Variants in CPNE4 observed in about 807,000 individuals in gnomAD.
CPNE4 encodes copine 4, also known as copine-4.
In CPNE4, 25 loss-of-function variants were observed where a neutral mutation model predicts 67.9. The ratio of observed to expected loss-of-function variants is 0.37; its 90% CI spans 0.27 to 0.51. The LOEUF is 0.51. CPNE4 is among the 20% of genes least tolerant of loss of function. The pLI is 0.93. For synonymous variants in CPNE4, 242 were observed against 244.9 expected, an observed-to-expected ratio of 0.99 and a Z score of 0.11; for missense variants, 464 against 690.8, an observed-to-expected ratio of 0.67 and a Z score of 3.68.
At chr3:132,010,008 C>G (rs985821506) in intron 1 of CPNE4, among the ~76,000 whole-genome samples, 7 of 152,238 alleles carry the variant, frequency 4.6e-5, no homozygotes, top group Admixed American at 6.5e-5. Flanking sequence ...GAAGTGCCCT[C>G]TTTGCCTGCA....
chr3:131,668,989 G>C (rs763794759), intron 7 of CPNE4, among the ~76,000 whole-genome samples: 1 of 152,098 alleles, frequency 6.6e-6, no homozygotes, highest in Non-Finnish European at 1.5e-5. Flanking sequence ...CTTTGACCTA[G>C]ACTGTGGAGG....
intron 2 of CPNE4, among the ~76,000 whole-genome samples, chr3:131,763,871 T>C (rs749205955): frequency 6.6e-5 from 10 of 152,130 alleles, no homozygotes; most frequent in Non-Finnish European, 1.2e-4. Context: ...AACAGAAATA[T>C]CCAATAATAT....
chr3:131,658,688 T>C (rs1173962478), intron 7 of CPNE4, among the ~76,000 whole-genome samples: 1 of 152,182 alleles, frequency 6.6e-6, no homozygotes, highest in East Asian at 1.9e-4. Context: ...CTCCAGCTCC[T>C]GAGAAGGAGG....
At chr3:132,019,939 A>G (rs2073958352) in intron 1 of CPNE4, among the ~76,000 whole-genome samples, 1 of 152,098 alleles carries the variant, frequency 6.6e-6, no homozygotes, top group Non-Finnish European at 1.5e-5. Context: ...AGGCCATTTA[A>G]ACTTGTGACG....
intron 4 of CPNE4, among the ~76,000 whole-genome samples, chr3:131,699,414 A>G (rs940459299): frequency 2.0e-5 from 3 of 152,224 alleles, no homozygotes; most frequent in Admixed American, 6.5e-5. Flanking sequence ...CACACAGTAA[A>G]CCTCCAAACT....
chr3:132,029,408 C>A (rs1251837605), intron 1 of CPNE4, among the ~76,000 whole-genome samples: 1 of 152,158 alleles, frequency 6.6e-6, no homozygotes, highest in African/African-American at 2.4e-5. Context: ...GGGTCAAACT[C>A]CATTCCTTAT....
intron 2 of CPNE4, among the ~76,000 whole-genome samples, chr3:131,809,013 A>G (rs2084427110): frequency 6.6e-6 from 1 of 152,146 alleles, no homozygotes; most frequent in African/African-American, 2.4e-5. Context: ...GAGAGTGTAG[A>G]CATATATGCT....
At chr3:131,813,542 T>C (rs1314865695) in intron 2 of CPNE4, among the ~76,000 whole-genome samples, 1 of 151,284 alleles carries the variant, frequency 6.6e-6, no homozygotes, top group African/African-American at 2.4e-5. Flanking sequence ...TACACACATA[T>C]GCATACATAC....
chr3:131,969,769 A>G (rs1053408356), intron 1 of CPNE4, among the ~76,000 whole-genome samples: 1 of 152,222 alleles, frequency 6.6e-6, no homozygotes, highest in African/African-American at 2.4e-5. Context: ...TGACATGTAT[A>G]TGCTTGGTGA....
intron 7 of CPNE4, among the ~76,000 whole-genome samples, chr3:131,617,425 G>C (rs1314956382): frequency 2.0e-5 from 3 of 152,186 alleles, no homozygotes. Context: ...AACCCAGGCA[G>C]ATGGGTAGAG....
chr3:131,853,104 A>G (rs1262425769), intron 2 of CPNE4, among the ~76,000 whole-genome samples: 2 of 151,948 alleles, frequency 1.3e-5, no homozygotes, highest in Admixed American at 1.3e-4. Context: ...AAGTCATGTG[A>G]TCTGTAAGAG....
chr3:131,721,326 T>C (rs1257288060), intron 3 of CPNE4, among the ~76,000 whole-genome samples: 4 of 146,286 alleles, frequency 2.7e-5, no homozygotes. Flanking sequence ...ACAGATAAAA[T>C]TATCAAAGCT....
At chr3:131,871,520 A>G (rs1187655427) in intron 2 of CPNE4, among the ~76,000 whole-genome samples, 3 of 152,160 alleles carry the variant, frequency 2.0e-5, no homozygotes, top group Admixed American at 2.0e-4. Flanking sequence ...CCCTGGAAGC[A>G]TGCGCTATCC....
chr3:131,836,593 G>GCTT (rs2085565653), intron 2 of CPNE4, among the ~76,000 whole-genome samples: 2 of 152,176 alleles, frequency 1.3e-5, no homozygotes, highest in African/African-American at 2.4e-5. Flanking sequence ...AGATAGCACA[G>GCTT]TGCAACCAGG....
intron 11 of CPNE4, among the ~76,000 whole-genome samples, chr3:131,562,634 A>C (rs116386247): frequency 0.013 from 1,954 of 152,108 alleles, 52 homozygotes; most frequent in African/African-American, 0.044. Context: ...GGTATAAAGA[A>C]GGAAGAAAAT....
At chr3:131,669,170 C>A (rs1205576406) in intron 7 of CPNE4, among the ~76,000 whole-genome samples, 2 of 152,238 alleles carry the variant, frequency 1.3e-5, no homozygotes, top group Middle Eastern at 3.4e-3. Context: ...GCCAGCCAAC[C>A]TCCAGAAGCA....
At chr3:131,553,121 A>ATAT (rs1257612325) in intron 12 of CPNE4, among the ~76,000 whole-genome samples, 2 of 152,120 alleles carry the variant, frequency 1.3e-5, no homozygotes, top group Non-Finnish European at 2.9e-5. Context: ...GTCAAATAAC[A>ATAT]TATTGTTTAC....
chr3:131,705,774 C>A (rs2081400401), intron 3 of CPNE4, among the ~76,000 whole-genome samples: 1 of 152,192 alleles, frequency 6.6e-6, no homozygotes, highest in Non-Finnish European at 1.5e-5. Context: ...TAATTACAGG[C>A]TTTTACCCTG....
At chr3:131,827,389 G>T (rs2085204792) in intron 2 of CPNE4, among the ~76,000 whole-genome samples, 1 of 150,906 alleles carries the variant, frequency 6.6e-6, no homozygotes, top group African/African-American at 2.5e-5. Flanking sequence ...GTAATTCATG[G>T]CTACTCATGG....
Sources: gnomAD v4.1 joint callset for allele counts (sites outside exome capture counted in the v4.1 genomes callset) on GRCh38, gnomAD v4.1.1 for gene constraint, MANE v1.5 for transcripts, NCBI Gene and HGNC (gene_info 2026-07-23, HGNC 2026-07-21) for gene names.